GABRB3: variants seen among roughly 807,000 people sequenced by gnomAD.
GABRB3 encodes gamma-aminobutyric acid receptor subunit beta-3.
In GABRB3, 14 loss-of-function variants were observed where a neutral mutation model predicts 52.1. The ratio of observed to expected loss-of-function variants is 0.27; its 90% CI spans 0.18 to 0.42. GABRB3 has a LOEUF of 0.42. Among genes scored for constraint, GABRB3 ranks in the 10% least tolerant of loss-of-function variants. GABRB3 has a pLI of 1.00. For missense variants in GABRB3, 307 were observed against 609.1 expected (o/e 0.50, Z 5.22); for synonymous variants, 260 against 232.3 (o/e 1.12, Z -1.08).
chr15:26,545,542 C>T lies in GABRB3; in HGVS notation c.*2251G>A, dbSNP rs1022294302. The T allele has an allele frequency of 2.6e-5, 4 of 152,578 alleles. No homozygotes were observed. Among genetic ancestry groups the T allele is most frequent in the Non-Finnish European group, 5.9e-5 (4 of 68,036 alleles). 9.5% of individuals were successfully genotyped at this position (152,578 alleles called of 1,614,324 possible). ...TAAATAGACCATTGACTGTTTTTGT[C>T]CACATCCATTTACATTTTGGGGTCC... is the stretch of plus-strand genomic sequence containing the variant. On this transcript the variant is annotated 3_prime_UTR_variant, in exon 9 of 9. Coordinates refer to ENST00000311550, the MANE Select transcript of GABRB3 (RefSeq NM_000814.6).
chr15:26,765,976 T>C (rs529392250), intron 3 of GABRB3, among the ~76,000 whole-genome samples: 1 of 152,184 alleles, frequency 6.6e-6, no homozygotes, highest in Non-Finnish European at 1.5e-5. Flanking sequence ...GTGCTATTTC[T>C]GAGCCTATTT....
At chr15:26,641,092 T>C (rs1161974589) in intron 3 of GABRB3, among the ~76,000 whole-genome samples, 1 of 152,176 alleles carries the variant, frequency 6.6e-6, no homozygotes, top group Non-Finnish European at 1.5e-5. Flanking sequence ...CTTCTAACCT[T>C]GTCCAGGAGC....
At chr15:26,767,280 T>A (rs1891023653) in intron 3 of GABRB3, 1 of 152,190 alleles carries the variant, frequency 6.6e-6, no homozygotes, top group Non-Finnish European at 1.5e-5. Context: ...TGCTGAGTCA[T>A]CCCCCAGCGT....
intron 3 of GABRB3, among the ~76,000 whole-genome samples, chr15:26,626,855 C>T (rs1262129457): frequency 1.3e-5 from 2 of 152,166 alleles, no homozygotes; most frequent in African/African-American, 4.8e-5. Flanking sequence ...CAGAAGATCC[C>T]GCTAAAATCA....
intron 3 of GABRB3, among the ~76,000 whole-genome samples, chr15:26,633,975 G>A (rs2140562151): frequency 6.6e-6 from 1 of 152,304 alleles, no homozygotes; most frequent in Admixed American, 6.5e-5. Flanking sequence ...AACTCGCTCA[G>A]TCAGGTACAA....
intron 8 of GABRB3, chr15:26,557,747 T>A (rs1889809333): frequency 6.6e-6 from 1 of 152,186 alleles, no homozygotes; most frequent in East Asian, 1.9e-4. Context: ...AAGGCCTTAC[T>A]AAGATTGCCG....
At chr15:26,723,612 GT>G in intron 3 of GABRB3, among the ~76,000 whole-genome samples, 1 of 152,212 alleles carries the variant, frequency 6.6e-6, no homozygotes, top group East Asian at 1.9e-4. Context: ...CCCAGCCATG[GT>G]CATTGTCCCA....
At chr15:26,664,497 T>C (rs914830124) in intron 3 of GABRB3, among the ~76,000 whole-genome samples, 5 of 152,170 alleles carry the variant, frequency 3.3e-5, no homozygotes, top group Non-Finnish European at 4.4e-5. Context: ...GTCTTGACTG[T>C]GTATGTTTCA....
At chr15:26,764,149 CAAAAAAAAAAAAAAA>C (rs1165542034) in intron 3 of GABRB3, among the ~76,000 whole-genome samples, 310 of 18,006 alleles carry the variant, frequency 0.017, 13 homozygotes, top group East Asian at 0.052. Flanking sequence ...GACTCGGTCT[CAAAAAAAAAAAAAAA>C]AAAAAAAAAA....
At chr15:26,633,876 G>T in intron 3 of GABRB3, among the ~76,000 whole-genome samples, 1 of 152,114 alleles carries the variant, frequency 6.6e-6, no homozygotes, top group Middle Eastern at 3.2e-3. Flanking sequence ...CCTTCTTCAG[G>T]GCTGAAAGAA....
intron 3 of GABRB3, among the ~76,000 whole-genome samples, chr15:26,637,040 G>A (rs1893081109): frequency 6.6e-6 from 1 of 152,142 alleles, no homozygotes; most frequent in African/African-American, 2.4e-5. Context: ...CAGATCATTT[G>A]CTCTCCTGTT....
intron 3 of GABRB3, among the ~76,000 whole-genome samples, chr15:26,751,786 T>C (rs1272137110): frequency 6.6e-6 from 1 of 152,012 alleles, no homozygotes; most frequent in Non-Finnish European, 1.5e-5. Context: ...ATTTGTTCCT[T>C]TCCTAGCTAA....
chr15:26,656,350 A>C (rs984546315), intron 3 of GABRB3, among the ~76,000 whole-genome samples: 1 of 152,230 alleles, frequency 6.6e-6, no homozygotes, highest in African/African-American at 2.4e-5. Context: ...TGTTGCCAAT[A>C]AGGATTAGGT....
At chr15:26,633,717 T>TA (rs1163503288) in intron 3 of GABRB3, among the ~76,000 whole-genome samples, 1 of 152,204 alleles carries the variant, frequency 6.6e-6, no homozygotes, top group Non-Finnish European at 1.5e-5. Context: ...TATCACCTTG[T>TA]AATAGTCTTA....
At chr15:26,720,418 A>T (rs899030334) in intron 3 of GABRB3, among the ~76,000 whole-genome samples, 1 of 152,308 alleles carries the variant, frequency 6.6e-6, no homozygotes, top group East Asian at 1.9e-4. Flanking sequence ...ATCACACAGC[A>T]TTGTAGAACT....
At chr15:26,582,592 TA>T (rs1262845413) in intron 5 of GABRB3, among the ~76,000 whole-genome samples, 2 of 152,228 alleles carry the variant, frequency 1.3e-5, no homozygotes, top group Non-Finnish European at 2.9e-5. Flanking sequence ...TACACTAGCC[TA>T]CCACCAGTGC....
At chr15:26,566,495 G>A (rs1890179150) in intron 7 of GABRB3, among the ~76,000 whole-genome samples, 1 of 152,182 alleles carries the variant, frequency 6.6e-6, no homozygotes, top group Non-Finnish European at 1.5e-5. Flanking sequence ...GGAGGCTGAG[G>A]TGGGCAGATC....
intron 4 of GABRB3, among the ~76,000 whole-genome samples, chr15:26,602,517 A>G (rs1891626136): frequency 6.6e-6 from 1 of 152,122 alleles, no homozygotes; most frequent in Admixed American, 6.6e-5. Flanking sequence ...TAGGGTCACA[A>G]ACCAAGTTTA....
intron 3 of GABRB3, among the ~76,000 whole-genome samples, chr15:26,653,704 G>A (rs1887272711): frequency 6.6e-6 from 1 of 152,188 alleles, no homozygotes; most frequent in South Asian, 2.1e-4. Context: ...GGTGGTTACA[G>A]TTAGGTCAGA....
Sources: gnomAD v4.1 joint callset for allele counts (sites outside exome capture counted in the v4.1 genomes callset) on GRCh38, gnomAD v4.1.1 for gene constraint, MANE v1.5 for transcripts, NCBI Gene and HGNC (gene_info 2026-07-23, HGNC 2026-07-21) for gene names.